Variants in SCFD2 observed in about 807,000 individuals in gnomAD.
The protein encoded by SCFD2 is sec1 family domain-containing protein 2.
Under a neutral mutation model 58.9 loss-of-function variants are expected in SCFD2, and 54 were observed. The ratio of observed to expected loss-of-function variants is 0.92; its 90% CI spans 0.74 to 1.15. SCFD2 has a LOEUF of 1.15. Ranked by LOEUF, SCFD2 falls within the 50% of genes most tolerant of loss-of-function variation. The probability of loss-of-function intolerance (pLI) is 0.00; values close to 1 mark genes in which losing one functional copy is unlikely to be tolerated. For missense variants in SCFD2, 805 were observed against 836.6 expected (o/e 0.96, Z 0.47); for synonymous variants, 321 against 335.9 (o/e 0.96, Z 0.49).
intron 5 of SCFD2, among the ~76,000 whole-genome samples, chr4:53,027,834 A>C (rs1168870473): frequency 6.6e-6 from 1 of 151,246 alleles, no homozygotes; most frequent in Non-Finnish European, 1.5e-5. Flanking sequence ...TCTCTAAATA[A>C]ATACATAAAG....
At chr4:53,221,759 G>A (rs991559265) in intron 4 of SCFD2, among the ~76,000 whole-genome samples, 2 of 152,172 alleles carry the variant, frequency 1.3e-5, no homozygotes, top group East Asian at 1.9e-4. Flanking sequence ...ACTGGAAGAA[G>A]GCAGAACAAG....
intron 3 of SCFD2, among the ~76,000 whole-genome samples, chr4:53,308,993 C>T (rs1233403489): frequency 6.6e-6 from 1 of 151,902 alleles, no homozygotes; most frequent in African/African-American, 2.4e-5. Context: ...ATTAGCCGGG[C>T]ATGGTGGCAT....
intron 3 of SCFD2, among the ~76,000 whole-genome samples, chr4:53,275,828 G>C (rs141212072): frequency 7.9e-4 from 121 of 152,244 alleles, no homozygotes; most frequent in African/African-American, 2.8e-3. Flanking sequence ...ATGTATCTGA[G>C]ATTCATCCAC....
chr4:53,286,233 G>T (rs1362338887), intron 3 of SCFD2, among the ~76,000 whole-genome samples: 1 of 152,106 alleles, frequency 6.6e-6, no homozygotes, highest in Non-Finnish European at 1.5e-5. Flanking sequence ...TAGCCCAGGG[G>T]AATACCTGCA....
intron 5 of SCFD2, among the ~76,000 whole-genome samples, chr4:53,098,620 G>A (rs1264569337): frequency 1.3e-5 from 2 of 152,004 alleles, no homozygotes; most frequent in African/African-American, 4.8e-5. Flanking sequence ...TGCTCTAACT[G>A]TTCCCTCTCT....
At chr4:52,880,048 C>T (rs1435838046) in intron 8 of SCFD2, among the ~76,000 whole-genome samples, 1 of 152,148 alleles carries the variant, frequency 6.6e-6, no homozygotes, top group African/African-American at 2.4e-5. Context: ...AGGTTTGTAT[C>T]ATTAAGCCAG....
intron 1 of SCFD2, among the ~76,000 whole-genome samples, chr4:53,355,030 G>T (rs1389809428): frequency 6.6e-6 from 1 of 152,156 alleles, no homozygotes; most frequent in African/African-American, 2.4e-5. Flanking sequence ...ACCGGGACCA[G>T]AAAATACCAA....
chr4:53,014,514 T>A (rs914092832), intron 5 of SCFD2, among the ~76,000 whole-genome samples: 1 of 152,214 alleles, frequency 6.6e-6, no homozygotes, highest in African/African-American at 2.4e-5. Context: ...TACACAAAGG[T>A]GATTCACTCA....
intron 4 of SCFD2, among the ~76,000 whole-genome samples, chr4:53,225,867 T>C (rs1467245085): frequency 6.6e-6 from 1 of 152,214 alleles, no homozygotes; most frequent in Non-Finnish European, 1.5e-5. Context: ...CCCTTTGTGA[T>C]TAATGTCATG....
chr4:53,121,884 A>T (rs1725488726), intron 5 of SCFD2, among the ~76,000 whole-genome samples: 1 of 152,190 alleles, frequency 6.6e-6, no homozygotes, highest in African/African-American at 2.4e-5. Flanking sequence ...GCAGACATTA[A>T]TCAAGAATGC....
chr4:53,186,779 A>G (rs1727749437), intron 4 of SCFD2, among the ~76,000 whole-genome samples: 1 of 151,976 alleles, frequency 6.6e-6, no homozygotes, highest in Non-Finnish European at 1.5e-5. Context: ...TGTTCAAGGG[A>G]GCCAGCTCTG....
At chr4:53,289,122 T>G (rs544346655) in intron 3 of SCFD2, among the ~76,000 whole-genome samples, 31 of 152,244 alleles carry the variant, frequency 2.0e-4, no homozygotes, top group African/African-American at 7.2e-4. Context: ...CCCAGCACTT[T>G]GGGAGGCCGA....
At chr4:53,259,838 C>T (rs1470108359) in intron 4 of SCFD2, among the ~76,000 whole-genome samples, 3 of 152,150 alleles carry the variant, frequency 2.0e-5, no homozygotes, top group Non-Finnish European at 4.4e-5. Context: ...ATTGATTCTA[C>T]TCATCCATGA....
chr4:53,009,170 G>A (rs1722043331), intron 5 of SCFD2, among the ~76,000 whole-genome samples: 1 of 152,146 alleles, frequency 6.6e-6, no homozygotes. Flanking sequence ...TTTTCGTCCA[G>A]TATTGATTGG....
At chr4:53,109,596 T>C (rs1198570591) in intron 5 of SCFD2, among the ~76,000 whole-genome samples, 1 of 152,068 alleles carries the variant, frequency 6.6e-6, no homozygotes, top group Non-Finnish European at 1.5e-5. Flanking sequence ...GAGAGCCAAA[T>C]CATGAGTGAA....
chr4:53,075,688 T>C (rs1489721159), intron 5 of SCFD2, among the ~76,000 whole-genome samples: 1 of 152,124 alleles, frequency 6.6e-6, no homozygotes, highest in Non-Finnish European at 1.5e-5. Flanking sequence ...GAACAGCCAA[T>C]TGGTGGAGCA....
intron 5 of SCFD2, among the ~76,000 whole-genome samples, chr4:53,095,299 A>G (rs1724588358): frequency 6.6e-6 from 1 of 152,088 alleles, no homozygotes; most frequent in African/African-American, 2.4e-5. Flanking sequence ...CCCCTATTCC[A>G]GCTGACTTTA....
At chr4:52,982,695 A>G (rs575381830) in intron 5 of SCFD2, among the ~76,000 whole-genome samples, 7 of 152,300 alleles carry the variant, frequency 4.6e-5, no homozygotes, top group Admixed American at 4.6e-4. Flanking sequence ...ACCTTAAGAG[A>G]ATATGCCTGA....
intron 3 of SCFD2, among the ~76,000 whole-genome samples, chr4:53,286,165 C>A (rs1422191833): frequency 1.3e-5 from 2 of 152,142 alleles, no homozygotes; most frequent in East Asian, 1.9e-4. Context: ...AGGGGCACTC[C>A]ATCTCCTGGA....
Sources: allele counts gnomAD v4.1 joint callset (sites outside exome capture counted in the v4.1 genomes callset), GRCh38; gene constraint gnomAD v4.1.1; transcripts MANE v1.5; gene names NCBI Gene and HGNC (gene_info 2026-07-23, HGNC 2026-07-21).